Variants in UBE3C observed in about 807,000 individuals in gnomAD.
The protein encoded by UBE3C is ubiquitin-protein ligase E3C.
In UBE3C, 42 loss-of-function variants were observed where a neutral mutation model predicts 129.4. The observed-to-expected ratio is 0.32, with a 90% confidence interval of 0.25 to 0.42. The LOEUF is 0.42. Among genes scored for constraint, UBE3C ranks in the 10% least tolerant of loss-of-function variants. The probability of loss-of-function intolerance (pLI) is 1.00; values close to 1 mark genes in which losing one functional copy is unlikely to be tolerated. For synonymous variants in UBE3C, 510 were observed against 492.4 expected (o/e 1.04, Z -0.47); for missense variants, 1,049 against 1,319.1 (o/e 0.80, Z 3.17).
At chr7:157,259,524 A>G (rs190193667) in intron 22 of UBE3C, among the ~76,000 whole-genome samples, 11 of 152,368 alleles carry the variant, frequency 7.2e-5, no homozygotes, top group African/African-American at 2.4e-4. Flanking sequence ...AGTAAATACT[A>G]TAGATTAAGA....
chr7:157,195,313 C>A (rs1477070611), intron 10 of UBE3C, among the ~76,000 whole-genome samples: 1 of 152,168 alleles, frequency 6.6e-6, no homozygotes. Context: ...AGCAGAAACA[C>A]CACTATTTTT....
At chr7:157,232,888 T>C (rs1379251231) in intron 18 of UBE3C, among the ~76,000 whole-genome samples, 1 of 152,228 alleles carries the variant, frequency 6.6e-6, no homozygotes, top group Non-Finnish European at 1.5e-5. Context: ...ATAACAGTTT[T>C]ATTAAAATAT....
At chr7:157,240,610 G>C (rs1002432191) in intron 18 of UBE3C, among the ~76,000 whole-genome samples, 7 of 152,156 alleles carry the variant, frequency 4.6e-5, no homozygotes, top group Non-Finnish European at 8.8e-5. Flanking sequence ...TATAATAAAG[G>C]GTGAATTGGT....
chr7:157,203,294 A>G (rs1316559371), intron 11 of UBE3C, among the ~76,000 whole-genome samples: 1 of 152,232 alleles, frequency 6.6e-6, no homozygotes, highest in African/African-American at 2.4e-5. Flanking sequence ...TTGCATCAAC[A>G]GTGGGTGGCT....
In UBE3C at chr7:157,207,927, T is replaced by C. The variant is rs142179299; in HGVS notation, c.1801T>C (p.Leu601=). The change falls in exon 13 of 23, where the codon TTA becomes CTA. Residue 601 remains leucine (L), a synonymous_variant. Transcript: ENST00000348165. ...GATGGAACAGAAAAGATGGATTCAGTTATTTAAGGTATAGAGTATATGTAT... is the reference window on the plus strand; with the variant it reads ...GATGGAACAGAAAAGATGGATTCAGCTATTTAAGGTATAGAGTATATGTAT... ...IQMEQKRWIQ[L]FKVITNLVKM... 7.8e-5 allele frequency: 124 copies of C among 1,583,290 alleles called. 2 individuals are homozygous for C. In the African/African-American group the frequency reaches 1.2e-3, roughly 16 times the overall value.
At chr7:157,184,119 A>G (rs1456834693) in intron 9 of UBE3C, 90 bp downstream of exon 9, 4 of 1,526,424 alleles carry the variant, frequency 2.6e-6, no homozygotes, top group Non-Finnish European at 3.5e-6. Context: ...TTTCAGTTAC[A>G]CAAGTCAGAC....
intron 17 of UBE3C, among the ~76,000 whole-genome samples, chr7:157,228,575 G>T (rs1385270357): frequency 6.6e-6 from 1 of 152,210 alleles, no homozygotes; most frequent in African/African-American, 2.4e-5. Flanking sequence ...TCCTGAAGCA[G>T]AGGAAATTTA....
chr7:157,234,638 C>G (rs1054044032), intron 18 of UBE3C, among the ~76,000 whole-genome samples: 1 of 152,134 alleles, frequency 6.6e-6, no homozygotes, highest in African/African-American at 2.4e-5. Flanking sequence ...TTCAGACTCC[C>G]AGTGATTTTA....
intron 22 of UBE3C, among the ~76,000 whole-genome samples, chr7:157,267,028 A>G (rs958811801): frequency 6.6e-6 from 1 of 152,180 alleles, no homozygotes; most frequent in African/African-American, 2.4e-5. Flanking sequence ...GGTGTGAGCT[A>G]TGCGCCTGGC....
At chr7:157,210,492 G>A (rs948696404) in intron 13 of UBE3C, among the ~76,000 whole-genome samples, 3 of 152,118 alleles carry the variant, frequency 2.0e-5, no homozygotes, top group African/African-American at 7.2e-5. Context: ...GTTTTAGGCA[G>A]TATTCTAAGA....
intron 22 of UBE3C, among the ~76,000 whole-genome samples, chr7:157,261,287 C>G: frequency 9.4e-6 from 1 of 106,684 alleles, no homozygotes; most frequent in East Asian, 3.3e-4. Context: ...GCCTGGGCAA[C>G]AAGAGCAAAA....
intron 1 of UBE3C, among the ~76,000 whole-genome samples, chr7:157,143,025 G>A (rs545952092): frequency 1.3e-5 from 2 of 151,996 alleles, no homozygotes; most frequent in East Asian, 1.9e-4. Flanking sequence ...GCACCACCAC[G>A]TCTGGCTAAT....
At chr7:157,242,519 T>G (rs1318330217) in intron 18 of UBE3C, among the ~76,000 whole-genome samples, 4 of 146,346 alleles carry the variant, frequency 2.7e-5, no homozygotes, top group South Asian at 2.2e-4. Context: ...GAGTTGTTTT[T>G]TTTTTTTTTT....
At chr7:157,216,352 G>GTT (rs11373650) in intron 13 of UBE3C, among the ~76,000 whole-genome samples, 40 of 145,120 alleles carry the variant, frequency 2.8e-4, no homozygotes, top group Middle Eastern at 3.6e-3. Flanking sequence ...AGATTCGTGG[G>GTT]TTTTTTTTTT....
chr7:157,187,726 G>A (rs1049815282), intron 10 of UBE3C, among the ~76,000 whole-genome samples: 1 of 151,734 alleles, frequency 6.6e-6, no homozygotes, highest in African/African-American at 2.4e-5. Flanking sequence ...ACAGGCGCCC[G>A]CCACCTCGCC....
Position 157,169,113 on chromosome 7 carries a change from A to G in UBE3C, c.186A>G (p.Arg62=). 1.2e-6 allele frequency: 2 copies of G among 1,613,420 alleles called. No homozygotes were observed. The highest frequency in any genetic ancestry group is 1.1e-5 in the South Asian group (1 of 91,050). Residue 62 remains arginine (R), a synonymous_variant, in exon 3 of 23, where the codon AGA becomes AGG. Coordinates refer to ENST00000348165, the MANE Select transcript of UBE3C (RefSeq NM_014671.3). The part of the protein sequence containing the change: ...IQSFIRGYRD[R]KQQYSIQRSA... The stretch of plus-strand genomic sequence containing the variant: ...CATTTATTCGAGGCTATAGAGACAG[A>G]AAACAGCAAGTAAGTTTGTTTTAAA...
At chr7:157,142,972 A>G (rs927057497) in intron 1 of UBE3C, among the ~76,000 whole-genome samples, 9 of 151,530 alleles carry the variant, frequency 5.9e-5, no homozygotes, top group Non-Finnish European at 2.9e-5. Context: ...GGTTCAAGCG[A>G]TTCTCCTGCC....
In UBE3C at chr7:157,188,775, T is replaced by TA. The variant is rs1308689492; in HGVS notation, c.1331+1754_1331+1755insA. 2.0e-5 allele frequency among the ~76,000 whole-genome samples: 3 copies of TA among 151,002 alleles called. No homozygotes were observed. The East Asian group carries it at 5.9e-4, about 29-fold the overall frequency. ...AAAGAGCAAGTAGGCTTACTCTAACTGTTACAGATTTTAACTGCTTTCAAT... is the reference window on the plus strand; with the variant it reads ...AAAGAGCAAGTAGGCTTACTCTAACTAGTTACAGATTTTAACTGCTTTCAAT... On this transcript the variant is annotated intron_variant, in intron 10 of 22. Transcript: ENST00000348165.
At chr7:157,164,449 C>G (rs1808159810) in intron 2 of UBE3C, 1 of 456,562 alleles carries the variant, frequency 2.2e-6, no homozygotes. Flanking sequence ...ACTGCCTCGT[C>G]TGGCTGATGA....
Sources: gnomAD v4.1 joint callset for allele counts (sites outside exome capture counted in the v4.1 genomes callset) on GRCh38, gnomAD v4.1.1 for gene constraint, MANE v1.5 for transcripts, NCBI Gene and HGNC (gene_info 2026-07-23, HGNC 2026-07-21) for gene names.